The following MALRD1 variants were observed in gnomAD, a reference collection of about 807,000 sequenced individuals.
MALRD1 encodes MAM and LDL receptor class A domain containing 1, also known as MAM and LDL-receptor class A domain-containing protein 1.
Under a neutral mutation model 242.1 loss-of-function variants are expected in MALRD1, and 247 were observed. The observed-to-expected ratio is 1.02, with a 90% CI of 0.92 to 1.13. The LOEUF (loss-of-function observed/expected upper bound fraction) is 1.13, where lower values mean the gene tolerates loss of function less well. Ranked by LOEUF, MALRD1 falls within the 50% of genes most tolerant of loss-of-function variation. The probability of loss-of-function intolerance (pLI) is 0.00; values close to 1 mark genes in which losing one functional copy is unlikely to be tolerated. For missense variants in MALRD1, 2,989 were observed against 2,533.1 expected (o/e 1.18, Z -3.86); for synonymous variants, 995 against 866.6 (o/e 1.15, Z -2.60).
chr10:19,570,161 C>A (rs1537352), intron 33 of MALRD1, among the ~76,000 whole-genome samples: 105,526 of 151,798 alleles, frequency 0.7, 40,414 homozygotes, highest in Non-Finnish European at 0.84. Context: ...GTGTAATAAA[C>A]GTACCTCTCC....
intron 14 of MALRD1, among the ~76,000 whole-genome samples, chr10:19,180,563 A>T (rs1191406725): frequency 6.6e-6 from 1 of 152,222 alleles, no homozygotes; most frequent in South Asian, 2.1e-4. Flanking sequence ...GTACACTTAA[A>T]TAAATTCAAA....
intron 18 of MALRD1, among the ~76,000 whole-genome samples, chr10:19,238,311 A>AATATACATAATATATATTATATATAAT (rs1838512182): frequency 1.2e-5 from 1 of 83,254 alleles, no homozygotes; most frequent in Non-Finnish European, 2.1e-5. Context: ...TATAATATGT[A>AATATACATAATATATATTATATATAAT]ATATACATAA....
At chr10:19,140,654 G>A (rs10826994) in intron 10 of MALRD1, among the ~76,000 whole-genome samples, 1 of 151,574 alleles carries the variant, frequency 6.6e-6, no homozygotes, top group Non-Finnish European at 1.5e-5. Flanking sequence ...AATGATGAGC[G>A]TGGAGGGGAT....
At chr10:19,110,897 A>G (rs979807665) in intron 5 of MALRD1, among the ~76,000 whole-genome samples, 1 of 152,162 alleles carries the variant, frequency 6.6e-6, no homozygotes, top group African/African-American at 2.4e-5. Flanking sequence ...AGGCAAGGAA[A>G]TCACCTATTG....
intron 28 of MALRD1, among the ~76,000 whole-genome samples, chr10:19,393,877 C>T (rs1254871412): frequency 6.6e-6 from 1 of 152,130 alleles, no homozygotes; most frequent in Non-Finnish European, 1.5e-5. Context: ...ATCTGTCTAG[C>T]CTCTACAAGA....
intron 26 of MALRD1, among the ~76,000 whole-genome samples, chr10:19,354,486 T>C (rs944899074): frequency 2.6e-5 from 4 of 152,116 alleles, no homozygotes; most frequent in African/African-American, 9.7e-5. Flanking sequence ...TCTAACTGTA[T>C]TTTTGTACCC....
At position 19,595,329 on chromosome 10, in the gene MALRD1, C is replaced by T. The variant is rs981223528; in HGVS notation, c.5816C>T (p.Pro1939Leu). Residue 1939 changes from proline (P) to leucine (L), a missense_variant, in exon 34 of 40, where the codon CCT (proline) becomes CTT (leucine). By Grantham distance (98) the Pro-to-Leu change is moderately conservative. Coordinates refer to ENST00000454679, the MANE Select transcript of MALRD1 (RefSeq NM_001142308.3). Reference sequence around the variant, plus strand: ...GATGGATCTGATGAAATGGATTGTCCTCTCAGCCCCACCCCTCCACTCTGT... The same window carrying T: ...GATGGATCTGATGAAATGGATTGTCTTCTCAGCCCCACCCCTCCACTCTGT... Reference protein sequence around the residue: ...CIDGSDEMDCPLSPTPPLCSN... With the variant: ...CIDGSDEMDCLLSPTPPLCSN... The T allele has an allele frequency of 1.3e-6, 2 of 1,550,716 alleles. No homozygotes were observed. Among genetic ancestry groups the T allele is most frequent in the Non-Finnish European group, 1.7e-6 (2 of 1,146,998 alleles).
chr10:19,729,592 CGTGT>C (rs113756414), intron 38 of MALRD1, among the ~76,000 whole-genome samples: 30 of 144,302 alleles, frequency 2.1e-4, no homozygotes, highest in Middle Eastern at 3.7e-3. Context: ...AGGATCCTTT[CGTGT>C]GTGTGTGTGT....
At chr10:19,352,359 A>G (rs1423638532) in intron 26 of MALRD1, 62 bp downstream of exon 26, 2 of 1,435,530 alleles carry the variant, frequency 1.4e-6, no homozygotes, top group Admixed American at 4.3e-5. Context: ...AAAGGAAGAA[A>G]GAAAATGCAA....
chr10:19,283,025 A>G lies in MALRD1; in HGVS notation c.3263A>G (p.Glu1088Gly). 6.5e-7 allele frequency: 1 copy of G among 1,540,462 alleles called. No individual in the cohort carries two copies. The highest frequency in any genetic ancestry group is 8.8e-7 in the Non-Finnish European group (1 of 1,141,138). ...DKSDEASCVMEVCSFEKRSLC... is the reference protein window; with the variant it reads ...DKSDEASCVMGVCSFEKRSLC... The stretch of plus-strand genomic sequence containing the variant: ...TTGTTCTACCCCATCCAAGTTATGG[A>G]AGTTTGCAGCTTTGAGAAAAGAAGC... Residue 1088 changes from glutamate (E) to glycine (G), a missense_variant, in exon 21 of 40, where the codon GAA becomes GGA. Physicochemically the swap from Glu to Gly is moderately conservative, Grantham distance 98. Coordinates refer to ENST00000454679, the MANE Select transcript of MALRD1 (RefSeq NM_001142308.3).
intron 36 of MALRD1, among the ~76,000 whole-genome samples, chr10:19,679,122 TTG>T (rs1342018122): frequency 6.6e-6 from 1 of 152,160 alleles, no homozygotes; most frequent in African/African-American, 2.4e-5. Context: ...GTTTTCTTTT[TTG>T]TTGTTGTATC....
intron 21 of MALRD1, among the ~76,000 whole-genome samples, chr10:19,284,309 G>T (rs1386082312): frequency 1.3e-5 from 2 of 149,086 alleles, no homozygotes; most frequent in East Asian, 4.0e-4. Flanking sequence ...GTGCAGGTTC[G>T]TTACATATGT....
intron 36 of MALRD1, among the ~76,000 whole-genome samples, chr10:19,659,646 G>A (rs1841328374): frequency 6.6e-6 from 1 of 152,068 alleles, no homozygotes; most frequent in Admixed American, 6.6e-5. Flanking sequence ...TCAGGATAAT[G>A]TTCCTTTCAA....
At chr10:19,189,051 A>T (rs1835862032) in intron 14 of MALRD1, among the ~76,000 whole-genome samples, 1 of 152,142 alleles carries the variant, frequency 6.6e-6, no homozygotes, top group Non-Finnish European at 1.5e-5. Context: ...AGAAAGGGAG[A>T]GAGACAGAGA....
At chr10:19,606,077 A>G (rs1838606793) in intron 34 of MALRD1, among the ~76,000 whole-genome samples, 1 of 152,126 alleles carries the variant, frequency 6.6e-6, no homozygotes, top group Non-Finnish European at 1.5e-5. Context: ...CAACTTTAAA[A>G]TATATTTTAA....
chr10:19,388,630 A>G (rs1846192067), intron 27 of MALRD1, among the ~76,000 whole-genome samples: 1 of 152,202 alleles, frequency 6.6e-6, no homozygotes, highest in African/African-American at 2.4e-5. Context: ...AGATGCCATG[A>G]AAATTTAACT....
intron 31 of MALRD1, among the ~76,000 whole-genome samples, chr10:19,524,940 G>C (rs1360211993): frequency 6.6e-6 from 1 of 151,576 alleles, no homozygotes; most frequent in African/African-American, 2.4e-5. Context: ...TTTTGCTCTT[G>C]TTATCCAGGC....
intron 32 of MALRD1, among the ~76,000 whole-genome samples, chr10:19,543,620 A>T (rs1321989542): frequency 6.6e-6 from 1 of 151,722 alleles, no homozygotes; most frequent in Non-Finnish European, 1.5e-5. Flanking sequence ...ACTGCTTGTG[A>T]TTGTCCCAAC....
At chr10:19,416,730 C>G (rs1446638688) in intron 28 of MALRD1, among the ~76,000 whole-genome samples, 1 of 152,192 alleles carries the variant, frequency 6.6e-6, no homozygotes, top group Non-Finnish European at 1.5e-5. Context: ...GTCTCACCCT[C>G]TCACTGCATC....
Sources: gnomAD v4.1 joint callset for allele counts (sites outside exome capture counted in the v4.1 genomes callset) on GRCh38, gnomAD v4.1.1 for gene constraint, MANE v1.5 for transcripts, NCBI Gene and HGNC (gene_info 2026-07-23, HGNC 2026-07-21) for gene names.